FHIT: variants seen among roughly 807,000 people sequenced by gnomAD.
FHIT encodes fragile histidine triad diadenosine triphosphatase.
In FHIT, 19 loss-of-function variants were observed where a neutral mutation model predicts 17.9. The ratio of observed to expected loss-of-function variants is 1.06; its 90% confidence interval spans 0.74 to 1.56. FHIT has a LOEUF of 1.56. Ranked by LOEUF, FHIT falls within the 40% of genes most tolerant of loss-of-function variation. The probability of loss-of-function intolerance (pLI) is 0.00; values close to 1 mark genes in which losing one functional copy is unlikely to be tolerated. For missense variants in FHIT, 248 were observed against 189.2 expected (o/e 1.31, Z -1.82); for synonymous variants, 81 against 69.7 (o/e 1.16, Z -0.81).
Position 60,441,779 on chromosome 3 carries a change from TA to T in FHIT, c.103+95080del, listed in dbSNP as rs373712445. ...AAAAATATATATATATTTATATGTA[TA>T]AAAATATATATATATATATATATAT... On this transcript the variant is annotated intron_variant, in intron 5 of 9. Coordinates refer to ENST00000492590, the MANE Select transcript of FHIT (RefSeq NM_002012.4). Among the ~76,000 whole-genome samples the T allele has an allele frequency of 7.8e-3, 159 of 20,360 alleles. 1 individual carries two copies. The highest frequency in any genetic ancestry group is 0.045 in the East Asian group (23 of 508). 13.4% of individuals were successfully genotyped at this position (20,360 alleles called of 152,430 possible). A position where few individuals can be genotyped will look rare whatever the true frequency, so the allele number is the denominator to read the frequency against.
intron 5 of FHIT, among the ~76,000 whole-genome samples, chr3:60,176,220 T>TA (rs1409746117): frequency 6.6e-6 from 1 of 151,958 alleles, no homozygotes; most frequent in Non-Finnish European, 1.5e-5. Flanking sequence ...GGCATGTTGG[T>TA]ATGTGCCTGT....
At chr3:59,965,755 T>C (rs1319948711) in intron 7 of FHIT, among the ~76,000 whole-genome samples, 3 of 152,242 alleles carry the variant, frequency 2.0e-5, no homozygotes, top group African/African-American at 7.2e-5. Context: ...TATACATTTA[T>C]ATTAGAATTG....
At position 60,790,663 on chromosome 3, in the gene FHIT, G is replaced by A. The variant is rs1353868603; in HGVS notation, c.-18+31256C>T. On this transcript the variant is annotated intron_variant, in intron 4 of 9. Coordinates refer to ENST00000492590, the MANE Select transcript of FHIT (RefSeq NM_002012.4). ...TACCTTAAAACATATTGAACCATAG[G>A]ATGAATATATGGAGCAGGGGCATTT... 4.6e-5 allele frequency among the ~76,000 whole-genome samples: 7 copies of A among 152,128 alleles called. No homozygotes were observed. The East Asian group carries it at 7.7e-4, about 17-fold the overall frequency.
At chr3:59,923,677 A>C (rs1705520059) in intron 7 of FHIT, among the ~76,000 whole-genome samples, 1 of 152,188 alleles carries the variant, frequency 6.6e-6, no homozygotes, top group South Asian at 2.1e-4. Flanking sequence ...AAGAGCTTAA[A>C]TAGAGAGAGG....
intron 2 of FHIT, among the ~76,000 whole-genome samples, chr3:61,059,125 G>A (rs1049020564): frequency 6.6e-6 from 1 of 152,168 alleles, no homozygotes. Flanking sequence ...GCTACTATTT[G>A]TTATGCTGTT....
At chr3:61,215,696 A>T (rs1451534737) in intron 1 of FHIT, among the ~76,000 whole-genome samples, 1 of 152,208 alleles carries the variant, frequency 6.6e-6, no homozygotes, top group Non-Finnish European at 1.5e-5. Context: ...AGTCAATCCT[A>T]AGCCAAAAGA....
intron 4 of FHIT, among the ~76,000 whole-genome samples, chr3:60,541,856 G>A (rs781570429): frequency 6.6e-5 from 10 of 152,144 alleles, no homozygotes; most frequent in Non-Finnish European, 1.3e-4. Flanking sequence ...TCAGGATAAT[G>A]GAATAGAATT....
intron 5 of FHIT, among the ~76,000 whole-genome samples, chr3:60,363,838 A>C (rs1341016609): frequency 6.6e-6 from 1 of 152,094 alleles, no homozygotes; most frequent in Non-Finnish European, 1.5e-5. Context: ...AGTTCAGGAT[A>C]TTTATTCCTC....
chr3:60,979,923 G>A (rs1183637005), intron 3 of FHIT, among the ~76,000 whole-genome samples: 2 of 152,198 alleles, frequency 1.3e-5, no homozygotes, highest in Non-Finnish European at 2.9e-5. Flanking sequence ...TTGCCATGTT[G>A]TTGCTCCAAT....
At chr3:61,010,481 A>C (rs2031728229) in intron 3 of FHIT, among the ~76,000 whole-genome samples, 1 of 152,232 alleles carries the variant, frequency 6.6e-6, no homozygotes, top group Non-Finnish European at 1.5e-5. Flanking sequence ...AGATGACAAA[A>C]CTAATGTTTA....
chr3:60,730,756 G>A (rs62249304), intron 4 of FHIT: 9,734 of 152,320 alleles, frequency 0.064, 513 homozygotes, highest in African/African-American at 0.14. Flanking sequence ...TAGGAAAAAC[G>A]CAAACTCAAA....
At chr3:60,085,797 C>G (rs951646390) in intron 5 of FHIT, among the ~76,000 whole-genome samples, 2 of 152,184 alleles carry the variant, frequency 1.3e-5, no homozygotes, top group African/African-American at 4.8e-5. Context: ...CATTTGTATA[C>G]AGGCAATTCT....
intron 7 of FHIT, among the ~76,000 whole-genome samples, chr3:59,984,312 T>C (rs1257866235): frequency 6.6e-6 from 1 of 151,900 alleles, no homozygotes; most frequent in Non-Finnish European, 1.5e-5. Context: ...GAAGTGGAAG[T>C]AAGACAGGGG....
chr3:60,092,212 A>C (rs575049370), intron 5 of FHIT, among the ~76,000 whole-genome samples: 2 of 152,342 alleles, frequency 1.3e-5, no homozygotes, highest in East Asian at 3.9e-4. Flanking sequence ...ATAAATGATT[A>C]TACAGTGTAC....
intron 4 of FHIT, among the ~76,000 whole-genome samples, chr3:60,547,269 G>C (rs2036398616): frequency 6.6e-6 from 1 of 152,136 alleles, no homozygotes; most frequent in Admixed American, 6.5e-5. Flanking sequence ...TAGCAAATAT[G>C]GAGATGGTGG....
At chr3:59,946,153 C>T (rs1220415724) in intron 7 of FHIT, among the ~76,000 whole-genome samples, 1 of 152,104 alleles carries the variant, frequency 6.6e-6, no homozygotes, top group East Asian at 1.9e-4. Flanking sequence ...TCTTCCTATC[C>T]ACGAGCATGG....
rs941478635 is a variant in FHIT, at chr3:60,519,220, T to C, written c.103+17640A>G. On this transcript the variant is annotated intron_variant, in intron 5 of 9. Transcript: ENST00000492590. ...TTTGTACAGTGGGCAGATATTCTTATGATTAGAAAAAATAAATGAAAGGTT... is the reference window on the plus strand; with the variant it reads ...TTTGTACAGTGGGCAGATATTCTTACGATTAGAAAAAATAAATGAAAGGTT... Among the ~76,000 whole-genome samples, 4 of 152,202 alleles carry C rather than the reference T, an allele frequency of 2.6e-5. No homozygotes were observed. The East Asian group carries it at 7.7e-4, about 29-fold the overall frequency.
At chr3:61,003,303 T>C (rs968361402) in intron 3 of FHIT, among the ~76,000 whole-genome samples, 2 of 152,334 alleles carry the variant, frequency 1.3e-5, no homozygotes, top group Non-Finnish European at 1.5e-5. Flanking sequence ...CACACTGTTA[T>C]TCCTTTGTAA....
chr3:60,653,579 T>C (rs782265668), intron 4 of FHIT, among the ~76,000 whole-genome samples: 1 of 151,938 alleles, frequency 6.6e-6, no homozygotes, highest in Non-Finnish European at 1.5e-5. Flanking sequence ...GAAAGATGAA[T>C]GTTCAAAGTA....
Sources: allele counts gnomAD v4.1 joint callset (sites outside exome capture counted in the v4.1 genomes callset), GRCh38; gene constraint gnomAD v4.1.1; transcripts MANE v1.5; gene names NCBI Gene and HGNC (gene_info 2026-07-23, HGNC 2026-07-21).